TSGA10: variants seen among roughly 807,000 people sequenced by gnomAD.
TSGA10 encodes testis-specific gene 10 protein.
In TSGA10, 43 loss-of-function variants were observed where a neutral mutation model predicts 96.6. That is an observed-to-expected ratio of 0.44 (90% CI 0.35 to 0.57). The LOEUF (loss-of-function observed/expected upper bound fraction) is 0.57, where lower values mean the gene tolerates loss of function less well. Ranked by LOEUF, TSGA10 falls within the 20% of genes least tolerant of loss-of-function variation. The pLI, the probability that TSGA10 is intolerant of heterozygous loss-of-function variation, is 0.01. For missense variants in TSGA10, 703 were observed against 834.4 expected (o/e 0.84, Z 1.94); for synonymous variants, 229 against 269.9 (o/e 0.85, Z 1.48).
rs552340518 is a variant in TSGA10 at position 99,153,887 on chromosome 2, G to A, written c.-621+806C>T. 1.5e-3 allele frequency among the ~76,000 whole-genome samples: 232 copies of A among 152,328 alleles called. 1 individual carries two copies. Among genetic ancestry groups the A allele is most frequent in the African/African-American group, 5.4e-3 (223 of 41,572 alleles). On this transcript the variant is annotated intron_variant, in intron 1 of 20. Transcript: ENST00000393483. The stretch of plus-strand genomic sequence containing the variant: ...GAATGATTCTTACTCCAAGAGGCAA[G>A]TCTTAGTGGTTTCTATTTTAACTGA...
chr2:99,020,842 T>TTTCTATA (rs1219211903), intron 17 of TSGA10, among the ~76,000 whole-genome samples: 2 of 151,854 alleles, frequency 1.3e-5, no homozygotes, highest in African/African-American at 4.8e-5. Context: ...TACATGCTTA[T>TTTCTATA]AGAATGTCAT....
chr2:99,052,060 A>G (rs1573875919), intron 16 of TSGA10, among the ~76,000 whole-genome samples: 1 of 151,888 alleles, frequency 6.6e-6, no homozygotes, highest in East Asian at 1.9e-4. Context: ...CTAACTTCTT[A>G]AGACACTAAA....
At chr2:99,050,435 A>G (rs946965421) in intron 16 of TSGA10, among the ~76,000 whole-genome samples, 2 of 152,186 alleles carry the variant, frequency 1.3e-5, no homozygotes, top group Non-Finnish European at 2.9e-5. Context: ...AATATTCCAT[A>G]ATCAGAAAAA....
intron 10 of TSGA10, among the ~76,000 whole-genome samples, chr2:99,099,118 G>T (rs1412441420): frequency 6.6e-6 from 1 of 152,138 alleles, no homozygotes; most frequent in Non-Finnish European, 1.5e-5. Context: ...TTCAAGACCA[G>T]CCTGACCAAC....
intron 16 of TSGA10, among the ~76,000 whole-genome samples, chr2:99,049,569 G>A (rs1007328273): frequency 3.9e-5 from 6 of 151,968 alleles, no homozygotes; most frequent in Middle Eastern, 3.4e-3. Flanking sequence ...ATCACACACC[G>A]GGGCCTGTCA....
chr2:99,109,418 T>C lies in TSGA10; in HGVS notation c.22A>G (p.Ser8Gly). Residue 8 changes from serine to glycine, a missense_variant, in exon 6 of 21, where the codon AGT (serine) becomes GGT (glycine). This residue lies in a region of TSGA10 where 585 missense variants were observed against 656.8 expected (regional missense o/e 0.89). Transcript: ENST00000393483. ...GCAGTTGGTGATGGGCGTCTTGGAC[T>C]TTTAGACCTACTTCGCATCATCTTT... MMRSRSK[S>G]PRRPSPTARG... 6.2e-7 allele frequency: 1 copy of C among 1,614,050 alleles called. No individual in the cohort carries two copies. The highest frequency in any genetic ancestry group is 1.1e-5 in the South Asian group (1 of 91,072).
At chr2:99,051,303 T>C (rs1453353449) in intron 16 of TSGA10, among the ~76,000 whole-genome samples, 1 of 152,040 alleles carries the variant, frequency 6.6e-6, no homozygotes, top group Admixed American at 6.6e-5. Flanking sequence ...AAAAAATATA[T>C]CATGCAAAGA....
chr2:99,032,509 G>C (rs1196820625), intron 17 of TSGA10, among the ~76,000 whole-genome samples: 6 of 152,106 alleles, frequency 3.9e-5, no homozygotes, highest in Non-Finnish European at 8.8e-5. Flanking sequence ...TTTGCCACTT[G>C]GAGACCAAGC....
At chr2:99,125,689 T>A (rs2092789095) in intron 2 of TSGA10, 1 of 152,194 alleles carries the variant, frequency 6.6e-6, no homozygotes, top group South Asian at 2.1e-4. Context: ...GGACATTGCC[T>A]TATTTCTGTT....
intron 17 of TSGA10, among the ~76,000 whole-genome samples, chr2:99,034,294 C>T (rs13427090): frequency 0.091 from 13,762 of 151,082 alleles, 1,460 homozygotes; most frequent in African/African-American, 0.25. Flanking sequence ...CCCAGCTACT[C>T]GGGAGGCTGA....
At chr2:99,115,064 C>G (rs956246786) in intron 4 of TSGA10, among the ~76,000 whole-genome samples, 6 of 152,110 alleles carry the variant, frequency 3.9e-5, no homozygotes, top group Non-Finnish European at 8.8e-5. Flanking sequence ...TCCCAAGTAG[C>G]TGGGATTACA....
chr2:99,059,078 TTTTA>T (rs58876168), intron 16 of TSGA10, among the ~76,000 whole-genome samples: 58,607 of 140,350 alleles, frequency 0.42, 14,441 homozygotes, highest in African/African-American at 0.69. Context: ...ATTTATATAT[TTTTA>T]TATATATATA....
intron 16 of TSGA10, among the ~76,000 whole-genome samples, chr2:99,064,078 T>C (rs1348024442): frequency 6.6e-6 from 1 of 152,118 alleles, no homozygotes; most frequent in Non-Finnish European, 1.5e-5. Flanking sequence ...AGAGAGCAAT[T>C]TGACAAAAAC....
chr2:99,068,364 T>A (rs2085511295), intron 15 of TSGA10, among the ~76,000 whole-genome samples: 1 of 152,198 alleles, frequency 6.6e-6, no homozygotes, highest in Non-Finnish European at 1.5e-5. Flanking sequence ...AAATCCTCAG[T>A]AAAGCTGCCT....
At chr2:99,022,251 A>C (rs573139454) in intron 17 of TSGA10, among the ~76,000 whole-genome samples, 1 of 145,600 alleles carries the variant, frequency 6.9e-6, no homozygotes, top group South Asian at 2.2e-4. Flanking sequence ...GCTTGAGCCC[A>C]GAAGTTGAGG....
chr2:99,126,448 C>CCA lies in TSGA10; in HGVS notation c.-492+598_-492+599dup, dbSNP rs2092829206. On this transcript the variant is annotated intron_variant, in intron 2 of 20. Coordinates refer to ENST00000393483, the MANE Select transcript of TSGA10 (RefSeq NM_025244.4). ...GTTCTTTGTGTCTTGAGATCCTTAG[C>CCA]CAATGTTCCTTCTCCTCTCCACCTT... 3 of 152,252 alleles carry CCA rather than the reference C, an allele frequency of 2.0e-5. No individual in the cohort carries two copies. In the South Asian group the frequency reaches 6.2e-4, roughly 32 times the overall value. 9.4% of individuals were successfully genotyped at this position (152,252 alleles called of 1,614,324 possible).
chr2:99,074,082 G>T (rs556705889), intron 12 of TSGA10, among the ~76,000 whole-genome samples: 1 of 129,420 alleles, frequency 7.7e-6, no homozygotes, highest in Non-Finnish European at 1.6e-5. Flanking sequence ...GCGCGATCTC[G>T]GCTCACTGCA....
At chr2:99,058,319 A>G (rs1269160956) in intron 16 of TSGA10, among the ~76,000 whole-genome samples, 1 of 150,184 alleles carries the variant, frequency 6.7e-6, no homozygotes, top group Non-Finnish European at 1.5e-5. Context: ...ATAGCAACAC[A>G]AAAATATGTA....
chr2:99,083,465 C>T (rs181777816), intron 10 of TSGA10, among the ~76,000 whole-genome samples: 6 of 152,068 alleles, frequency 3.9e-5, no homozygotes, highest in East Asian at 1.9e-4. Flanking sequence ...AAGAAACAAA[C>T]GAAAAACACC....
Sources: allele counts gnomAD v4.1 joint callset (sites outside exome capture counted in the v4.1 genomes callset), GRCh38; gene constraint gnomAD v4.1.1; regional missense constraint gnomAD v4.1.1; transcripts MANE v1.5; gene names NCBI Gene and HGNC (gene_info 2026-07-23, HGNC 2026-07-21).